Variants in CXCL17 observed in about 807,000 individuals in gnomAD.
CXCL17 encodes the protein C-X-C motif chemokine ligand 17.
A neutral mutation model predicts 15.5 loss-of-function variants in CXCL17; 9 were observed. That is an observed-to-expected ratio of 0.58 (90% confidence interval 0.35 to 1.01). CXCL17 has a LOEUF of 1.01. CXCL17 is among the 50% of genes least tolerant of loss of function. The pLI is 0.02. For missense variants in CXCL17, 133 were observed against 138.2 expected, an observed-to-expected ratio of 0.96 and a Z score of 0.19; for synonymous variants, 52 against 52.3, an observed-to-expected ratio of 0.99 and a Z score of 0.02.
In CXCL17 at chr19:42,428,491, T is replaced by C. The variant is rs1390294923; in HGVS notation, c.*393A>G. 1 of 172,562 alleles carries C rather than the reference T, an allele frequency of 5.8e-6. No individual in the cohort carries two copies. The highest frequency in any genetic ancestry group is 1.2e-5 in the Non-Finnish European group (1 of 80,340). 10.7% of individuals were successfully genotyped at this position (172,562 alleles called of 1,614,324 possible). A position where few individuals can be genotyped will look rare whatever the true frequency, so the allele number is the denominator to read the frequency against. ...TCTGCAGTGAATAGGGTAAAATGGG[T>C]CATCTGGTTGTGAATTGGCAGACCC... is the stretch of plus-strand genomic sequence containing the variant. On this transcript the variant is annotated 3_prime_UTR_variant, in exon 4 of 4. Coordinates refer to ENST00000601181, the MANE Select transcript of CXCL17 (RefSeq NM_198477.3).
chr19:42,430,594 C>CA lies in CXCL17; in HGVS notation c.263-1614dup, dbSNP rs537870150. Among the ~76,000 whole-genome samples the CA allele has an allele frequency of 4.5e-3, 381 of 85,022 alleles. 3 individuals are homozygous for CA. Among genetic ancestry groups the CA allele is most frequent in the South Asian group, 0.031 (74 of 2,394 alleles). 55.8% of individuals were successfully genotyped at this position (85,022 alleles called of 152,430 possible). On this transcript the variant is annotated intron_variant, in intron 3 of 3. Coordinates refer to ENST00000601181, the MANE Select transcript of CXCL17 (RefSeq NM_198477.3). ...GGGCAACAAGAGCAGAACTCCATCT[C>CA]AAAAAAAAAAAAAAAAGAAAGAAAG...
intron 3 of CXCL17, among the ~76,000 whole-genome samples, chr19:42,429,538 G>C (rs529949085): frequency 7.9e-5 from 12 of 152,202 alleles, no homozygotes; most frequent in African/African-American, 2.9e-4. Flanking sequence ...ATGTTGGCCA[G>C]GCTGGTCTTG....
intron 1 of CXCL17, among the ~76,000 whole-genome samples, chr19:42,434,907 C>T (rs891181967): frequency 3.3e-5 from 5 of 152,164 alleles, no homozygotes; most frequent in South Asian, 4.2e-4. Flanking sequence ...AGGCTGGGCA[C>T]GGTGGCTCAT....
At chr19:42,441,238 G>A (rs1435658186) in intron 1 of CXCL17, among the ~76,000 whole-genome samples, 1 of 152,214 alleles carries the variant, frequency 6.6e-6, no homozygotes, top group East Asian at 1.9e-4. Flanking sequence ...TAAGGCAGCA[G>A]ATGATAAGTG....
intron 1 of CXCL17, among the ~76,000 whole-genome samples, chr19:42,436,632 C>T (rs1222667364): frequency 6.6e-6 from 1 of 152,164 alleles, no homozygotes; most frequent in Non-Finnish European, 1.5e-5. Context: ...ATAACCATAG[C>T]ATGTAAACAC....
intron 1 of CXCL17, among the ~76,000 whole-genome samples, chr19:42,437,975 T>C (rs1162802050): frequency 6.6e-6 from 1 of 152,112 alleles, no homozygotes; most frequent in African/African-American, 2.4e-5. Context: ...CCTATATATA[T>C]ATTTTTTCTA....
At chr19:42,432,748 G>A (rs2040795753) in intron 3 of CXCL17, among the ~76,000 whole-genome samples, 1 of 152,188 alleles carries the variant, frequency 6.6e-6, no homozygotes, top group Non-Finnish European at 1.5e-5. Context: ...TAAACAGTGA[G>A]GTTTTAAAAT....
At chr19:42,433,919 A>G (rs2040809094) in intron 1 of CXCL17, 63 bp from the exon 2 acceptor site, 7 of 1,286,664 alleles carry the variant, frequency 5.4e-6, no homozygotes, top group African/African-American at 2.9e-5. Flanking sequence ...TCCTCCCAGC[A>G]TTGTTCTACC....
In CXCL17 at chr19:42,433,899, A is replaced by G. The variant is rs751028301; in HGVS notation, c.80-43T>C. ...GTCACATCCAGACACTGGAAAGGGCACAGAAATGATCCTCCCAGCATTGTT... is the reference window on the plus strand; with the variant it reads ...GTCACATCCAGACACTGGAAAGGGCGCAGAAATGATCCTCCCAGCATTGTT... On this transcript the variant is annotated intron_variant, in intron 1 of 3. Coordinates refer to ENST00000601181, the MANE Select transcript of CXCL17 (RefSeq NM_198477.3). The G allele has an allele frequency of 4.1e-6, 6 of 1,466,050 alleles. No homozygotes were observed. The Admixed American group carries it at 1.0e-4, about 25-fold the overall frequency. The allele number at this position is 1,466,050 out of a possible 1,614,324, so 90.8% of individuals were successfully genotyped here.
At position 42,428,873 on chromosome 19, in the gene CXCL17, G is replaced by T. The variant is rs200511086; in HGVS notation, c.*11C>A. ...AGAATGTTTAATTGGAAGAGTGGGC[G>T]CTCAGAGCTCCTACAAAGGCAGAGC... On this transcript the variant is annotated 3_prime_UTR_variant, in exon 4 of 4. Transcript: ENST00000601181. 6 of 1,600,412 alleles carry T rather than the reference G, an allele frequency of 3.7e-6. No individual in the cohort carries two copies. Among genetic ancestry groups the T allele is most frequent in the Admixed American group, 3.3e-5 (2 of 59,986 alleles).
intron 3 of CXCL17, among the ~76,000 whole-genome samples, chr19:42,430,469 C>G (rs1479023101): frequency 2.6e-5 from 4 of 151,818 alleles, no homozygotes; most frequent in Non-Finnish European, 4.4e-5. Flanking sequence ...TGGCGCATCC[C>G]TGTAATCCCA....
intron 1 of CXCL17, among the ~76,000 whole-genome samples, chr19:42,438,210 TAGCC>T (rs2040851363): frequency 6.7e-6 from 1 of 150,296 alleles, no homozygotes; most frequent in Admixed American, 6.6e-5. Context: ...TACAAAAAAT[TAGCC>T]AGGTGTGGTG....
intron 1 of CXCL17, among the ~76,000 whole-genome samples, chr19:42,434,124 G>C (rs2040810663): frequency 6.6e-6 from 1 of 151,888 alleles, no homozygotes; most frequent in African/African-American, 2.4e-5. Flanking sequence ...GTGAGCCACT[G>C]TGCCCAGCTG....
At chr19:42,433,140 C>T in intron 2 of CXCL17, 63 bp from the exon 3 acceptor site, 1 of 1,215,500 alleles carries the variant, frequency 8.2e-7, no homozygotes, top group South Asian at 1.3e-5. Context: ...GGGAGTAGGA[C>T]AGAGCTTTAA....
rs867767092 is a variant in CXCL17 at position 42,439,271 on chromosome 19, A to G, written c.79+3483T>C. 5.7e-3 allele frequency among the ~76,000 whole-genome samples: 862 copies of G among 151,356 alleles called. 8 individuals are homozygous for G. Among genetic ancestry groups the G allele is most frequent in the African/African-American group, 0.019 (803 of 41,284 alleles). On this transcript the variant is annotated intron_variant, in intron 1 of 3. Transcript: ENST00000601181. ...TCTATCTCAAAAAAAAAAAAAAAAA[A>G]AAAGAAAAAGAAAAAGGAATAACTC...
At chr19:42,435,516 GTCT>G in intron 1 of CXCL17, among the ~76,000 whole-genome samples, 1 of 152,018 alleles carries the variant, frequency 6.6e-6, no homozygotes, top group African/African-American at 2.4e-5. Context: ...CCCTACACCA[GTCT>G]GCCTGGTGTC....
At chr19:42,438,381 A>AAAAAAAAAAAAAAT (rs1555793041) in intron 1 of CXCL17, among the ~76,000 whole-genome samples, 1 of 63,860 alleles carries the variant, frequency 1.6e-5, no homozygotes, top group Non-Finnish European at 2.6e-5. Context: ...AAAAAAAAAA[A>AAAAAAAAAAAAAAT]ATATATATAT....
chr19:42,432,905 C>T (rs923646603), intron 3 of CXCL17, 71 bp downstream of exon 3: 2 of 1,137,684 alleles, frequency 1.8e-6, no homozygotes, highest in African/African-American at 3.1e-5. Context: ...TTTCTATTCT[C>T]AACGTGCTTC....
chr19:42,433,406 GC>G (rs2040802909), intron 2 of CXCL17, among the ~76,000 whole-genome samples: 1 of 152,214 alleles, frequency 6.6e-6, no homozygotes, highest in Admixed American at 6.5e-5. Context: ...CCTTGGGGAA[GC>G]CATTTTGCCT....
Sources: allele counts gnomAD v4.1 joint callset (sites outside exome capture counted in the v4.1 genomes callset), GRCh38; gene constraint gnomAD v4.1.1; transcripts MANE v1.5; gene names NCBI Gene and HGNC (gene_info 2026-07-23, HGNC 2026-07-21).